CTBP2: variants seen among roughly 807,000 people sequenced by gnomAD.
The protein encoded by CTBP2 is C-terminal-binding protein 2.
In CTBP2, 30 loss-of-function variants were observed where a neutral mutation model predicts 80.3. The observed-to-expected ratio is 0.37, with a 90% CI of 0.28 to 0.51. The LOEUF (loss-of-function observed/expected upper bound fraction) is 0.51. Among genes scored for constraint, CTBP2 ranks in the 20% least tolerant of loss-of-function variants. The probability of loss-of-function intolerance (pLI) is 0.93; values close to 1 mark genes in which losing one functional copy is unlikely to be tolerated. For synonymous variants in CTBP2, 594 were observed against 587.4 expected, an observed-to-expected ratio of 1.01 and a Z score of -0.16; for missense variants, 1,212 against 1,375.3, an observed-to-expected ratio of 0.88 and a Z score of 1.88.
chr10:125,029,239 GAC>G (rs1237678832), upstream of CTBP2, among the ~76,000 whole-genome samples: 4 of 142,162 alleles, frequency 2.8e-5, no homozygotes, highest in South Asian at 2.4e-4. Context: ...TTTTTTTTGA[GAC>G]ACAGTTTTTT....
intron 1 of CTBP2, among the ~76,000 whole-genome samples, chr10:125,148,837 C>A (rs189590762): frequency 1.9e-3 from 293 of 152,338 alleles, no homozygotes; most frequent in African/African-American, 6.7e-3. Context: ...GCTTTTGTCA[C>A]TTGAAGCCTC....
chr10:125,161,443 GGCCCC>G, upstream of CTBP2, among the ~76,000 whole-genome samples: 1 of 152,022 alleles, frequency 6.6e-6, no homozygotes, highest in East Asian at 2.0e-4. Flanking sequence ...GGTCCCATGG[GGCCCC>G]GCCCAGCCAG....
rs761919168 is a variant in CTBP2, at chr10:124,992,825, GATTAAA to G, written c.2660-19_2660-14del. 1 of 1,575,434 alleles carries G rather than the reference GATTAAA, an allele frequency of 6.3e-7. No homozygotes were observed. Among genetic ancestry groups the G allele is most frequent in the South Asian group, 1.1e-5 (1 of 88,366 alleles). Reference sequence around the variant, plus strand: ...TCTGGGATGCGACCTAGGGTAAGATGATTAAAATTAATCATATTATTTTTACAAATC... The same window carrying G: ...TCTGGGATGCGACCTAGGGTAAGATGATTAATCATATTATTTTTACAAATC... On this transcript the variant is annotated splice_polypyrimidine_tract_variant and intron_variant, in intron 7 of 8. Transcript: ENST00000309035.
chr10:125,129,935 C>G (rs1005662504), intron 1 of CTBP2, among the ~76,000 whole-genome samples: 1 of 152,148 alleles, frequency 6.6e-6, no homozygotes, highest in Non-Finnish European at 1.5e-5. Context: ...CCGAAAAGGG[C>G]CCTCTGGGAA....
intron 2 of CTBP2, among the ~76,000 whole-genome samples, chr10:125,067,696 C>G (rs928696007): frequency 6.6e-6 from 1 of 152,212 alleles, no homozygotes; most frequent in Non-Finnish European, 1.5e-5. Flanking sequence ...CCCTCATTCT[C>G]TTTCTCTCAA....
intron 2 of CTBP2, among the ~76,000 whole-genome samples, chr10:125,051,003 C>T (rs1367457653): frequency 6.6e-6 from 1 of 152,186 alleles, no homozygotes; most frequent in African/African-American, 2.4e-5. Context: ...AATTACAGCT[C>T]ATCGTGAGCT....
chr10:125,114,198 G>C (rs1413640637), intron 1 of CTBP2, among the ~76,000 whole-genome samples: 1 of 152,208 alleles, frequency 6.6e-6, no homozygotes, highest in East Asian at 1.9e-4. Context: ...CGCAGGAGCT[G>C]AAGTGGCCTC....
intron 1 of CTBP2, among the ~76,000 whole-genome samples, chr10:125,134,327 G>T (rs1327147300): frequency 6.6e-6 from 1 of 152,158 alleles, no homozygotes; most frequent in African/African-American, 2.4e-5. Flanking sequence ...TCCACCCAGC[G>T]GAAGCCCCCC....
intron 1 of CTBP2, among the ~76,000 whole-genome samples, chr10:125,114,058 G>T (rs548475766): frequency 6.6e-5 from 10 of 152,338 alleles, no homozygotes; most frequent in Admixed American, 2.0e-4. Flanking sequence ...GTGCGGCGTG[G>T]ACTAGTGCCC....
intron 1 of CTBP2, among the ~76,000 whole-genome samples, chr10:125,126,831 G>A (rs1855343785): frequency 6.6e-6 from 1 of 152,040 alleles, no homozygotes; most frequent in African/African-American, 2.4e-5. Context: ...ATCCAAAAGA[G>A]CTGCGTGCAC....
intron 1 of CTBP2, among the ~76,000 whole-genome samples, chr10:125,013,642 C>T (rs1956161539): frequency 6.6e-6 from 1 of 152,212 alleles, no homozygotes; most frequent in South Asian, 2.1e-4. Context: ...ACCCTCCACA[C>T]AACCCTGTGC....
intron 1 of CTBP2, among the ~76,000 whole-genome samples, chr10:125,023,209 C>G (rs1957224257): frequency 6.6e-6 from 1 of 152,190 alleles, no homozygotes; most frequent in African/African-American, 2.4e-5. Flanking sequence ...CCAGTTGCAT[C>G]AAGAAAAACG....
chr10:124,993,972 G>C lies in CTBP2; in HGVS notation c.2414C>G (p.Ala805Gly). Residue 805 changes from alanine (A) to glycine (G), a missense_variant, in exon 6 of 9, where the codon GCA becomes GGA. Ala to Gly is a moderately conservative substitution (Grantham distance 60, BLOSUM62 0). Transcript: ENST00000309035. ...GCCACGGGCTGCGTTCACAAGGAAT[G>C]CTCCCTGCCTCATCTGTGGAAGGAA... is the stretch of plus-strand genomic sequence containing the variant. 1 of 1,614,166 alleles carries C rather than the reference G, an allele frequency of 6.2e-7. No individual in the cohort carries two copies. Among genetic ancestry groups the C allele is most frequent in the Non-Finnish European group, 8.5e-7 (1 of 1,180,030 alleles).
chr10:124,989,661 G>T lies in CTBP2; in HGVS notation c.2815C>A (p.Leu939Ile). Residue 939 changes from leucine (L) to isoleucine (I), a missense_variant, in exon 9 of 9, where the codon CTT becomes ATT. By Grantham distance (5) the Leu-to-Ile change is conservative. Coordinates refer to ENST00000309035, the MANE Select transcript of CTBP2 (RefSeq NM_022802.3). The stretch of plus-strand genomic sequence containing the variant: ...ATGATCCCTTCCATGGCTGCAGGAA[G>T]TCCTCCTGGAGCCACACCCACGATG... 6.2e-7 allele frequency: 1 copy of T among 1,604,412 alleles called. No individual in the cohort carries two copies.
At chr10:125,148,015 G>C (rs1369044772) in intron 1 of CTBP2, among the ~76,000 whole-genome samples, 1 of 152,122 alleles carries the variant, frequency 6.6e-6, no homozygotes, top group African/African-American at 2.4e-5. Context: ...TCATTTTACA[G>C]ATTCAGAAAC....
intron 1 of CTBP2, among the ~76,000 whole-genome samples, chr10:125,116,400 C>T (rs557541215): frequency 2.7e-4 from 41 of 152,264 alleles, no homozygotes; most frequent in Middle Eastern, 3.4e-3. Flanking sequence ...AAAATGGGCC[C>T]GTCACATGGG....
intron 2 of CTBP2, among the ~76,000 whole-genome samples, chr10:125,092,086 C>T (rs1848839896): frequency 6.6e-6 from 1 of 151,360 alleles, no homozygotes; most frequent in Admixed American, 6.6e-5. Flanking sequence ...AACACCATAA[C>T]TAAAATCTTG....
intron 1 of CTBP2, among the ~76,000 whole-genome samples, chr10:125,022,331 T>C (rs1957130099): frequency 6.6e-6 from 1 of 152,186 alleles, no homozygotes; most frequent in Non-Finnish European, 1.5e-5. Context: ...CTTTTATGAA[T>C]TGCCTTTCCT....
intron 2 of CTBP2, among the ~76,000 whole-genome samples, chr10:125,075,506 T>C (rs1846146892): frequency 1.3e-5 from 2 of 152,190 alleles, no homozygotes; most frequent in Admixed American, 1.3e-4. Context: ...CTTGTGATCT[T>C]GGACTTCCCA....
Sources: allele counts gnomAD v4.1 joint callset (sites outside exome capture counted in the v4.1 genomes callset), GRCh38; gene constraint gnomAD v4.1.1; transcripts MANE v1.5; gene names NCBI Gene and HGNC (gene_info 2026-07-23, HGNC 2026-07-21).